Variants in RIPOR1 observed in about 807,000 individuals in gnomAD.
The protein encoded by RIPOR1 is RHO family interacting cell polarization regulator 1, also known as rho family-interacting cell polarization regulator 1.
Under a neutral mutation model 116.5 loss-of-function variants are expected in RIPOR1, and 58 were observed. The ratio of observed to expected loss-of-function variants is 0.50; its 90% CI spans 0.40 to 0.62. The LOEUF is 0.62. RIPOR1 is among the 20% of genes least tolerant of loss of function. RIPOR1 has a pLI of 0.00. For missense variants in RIPOR1, 1,372 were observed against 1,586.2 expected (o/e 0.86, Z 2.29); for synonymous variants, 605 against 650.0 (o/e 0.93, Z 1.05).
rs1351591858 is a variant in RIPOR1 at position 67,538,835 on chromosome 16, C to CCT, written c.257+14_257+15dup. 6.2e-7 allele frequency: 1 copy of CCT among 1,612,428 alleles called. No homozygotes were observed. The highest frequency in any genetic ancestry group is 8.5e-7 in the Non-Finnish European group (1 of 1,179,766). On this transcript the variant is annotated intron_variant, in intron 3 of 21. Coordinates refer to ENST00000042381, the MANE Select transcript of RIPOR1 (RefSeq NM_024519.4). ...GAAGCGGGGCCTGACGTGAGCAGCT[C>CCT]CTCTGTTCCCAGCCCTGTCCCGGGA...
In RIPOR1 at chr16:67,545,199, G is replaced by C; in HGVS notation, c.3031+82G>C. ...CGGGGAAGCCAGGTCAGCCCACACA[G>C]ATAAACGAACTGGGCACCGAGGAGA... On this transcript the variant is annotated intron_variant, in intron 17 of 21. Transcript: ENST00000042381. The surrounding 1 kb of genome is among the most constrained non-coding windows in gnomAD (Gnocchi z 4.8). The C allele has an allele frequency of 3.2e-6, 5 of 1,573,144 alleles. No individual in the cohort carries two copies. The highest frequency in any genetic ancestry group is 4.3e-6 in the Non-Finnish European group (5 of 1,156,934).
At position 67,544,410 on chromosome 16, in the gene RIPOR1, C is replaced by T. The variant is rs746515090; in HGVS notation, c.2712C>T (p.Tyr904=). ...ALDAALVRHL[Y]HCSRLLLKLG... ...ATGCTGCCTTGGTCCGGCACCTGTA[C>T]CACTGCAGTCGCCTCCTGCTGGTGA... The change falls in exon 15 of 22, where the codon TAC becomes TAT. Residue 904 remains tyrosine, a synonymous_variant. Coordinates refer to ENST00000042381, the MANE Select transcript of RIPOR1 (RefSeq NM_024519.4). The surrounding 1 kb of genome is among the most constrained non-coding windows in gnomAD (Gnocchi z 5.1). 3.7e-6 allele frequency: 6 copies of T among 1,611,702 alleles called. No individual in the cohort carries two copies. The East Asian group carries it at 1.3e-4, about 36-fold the overall frequency.
Position 67,529,587 on chromosome 16 carries a change from C to A in RIPOR1, c.-24+673C>A. On this transcript the variant is annotated intron_variant, in intron 1 of 21. Transcript: ENST00000042381. This position sits in a 1 kb window ranked among gnomAD's most constrained non-coding sequence, Gnocchi z 4.1. The stretch of plus-strand genomic sequence containing the variant: ...TTGGGCAAGGGGCTGCTCACCAGGG[C>A]TAGAGGTCGGATTCAGTCCAGATTC... 1.7e-6 allele frequency: 1 copy of A among 600,570 alleles called. No individual in the cohort carries two copies. Among genetic ancestry groups the A allele is most frequent in the South Asian group, 2.0e-5 (1 of 48,864 alleles). The allele number at this position is 600,570 out of a possible 1,614,324, so 37.2% of individuals were successfully genotyped here. A position where few individuals can be genotyped will look rare whatever the true frequency, so the allele number is the denominator to read the frequency against.
chr16:67,539,985 A>G, intron 6 of RIPOR1, 68 bp from the exon 7 acceptor site: 1 of 1,613,614 alleles, frequency 6.2e-7, no homozygotes, highest in Non-Finnish European at 8.5e-7. Context: ...TGGGTGAGCA[A>G]CCTTAGAGGT....
chr16:67,538,540 C>T lies in RIPOR1; in HGVS notation c.94C>T (p.Arg32Trp). ...CGCAGGCGTCCTCGGCAGCCACGAG[C>T]GGGGGCCCAGGTACGCGGCCGCGCA... ...SFAGVLGSHE[R>W]GPRSFPVFSP... Residue 32 changes from arginine (R) to tryptophan (W), a missense_variant, in exon 2 of 22, where the codon CGG becomes TGG. Arg to Trp is a moderately radical substitution (Grantham distance 101, BLOSUM62 -3). This residue lies in a region of RIPOR1 where 165 missense variants were observed against 145.5 expected (regional missense o/e 1.13). Coordinates refer to ENST00000042381, the MANE Select transcript of RIPOR1 (RefSeq NM_024519.4). 1.2e-6 allele frequency: 2 copies of T among 1,612,062 alleles called. No homozygotes were observed. The highest frequency in any genetic ancestry group is 1.1e-5 in the South Asian group (1 of 90,990).
chr16:67,544,805 G>A lies in RIPOR1; in HGVS notation c.2844G>A (p.Glu948=), dbSNP rs773230380. Residue 948 remains glutamate (E), a synonymous_variant, in exon 16 of 22, where the codon GAG becomes GAA. Transcript: ENST00000042381. The surrounding 1 kb of genome is among the most constrained non-coding windows in gnomAD (Gnocchi z 5.1). ...TATGCGAGTTCAGCAGGCGGTGGGA[G>A]ATCCCGGCCAGCTCTGCCCAGGAAG... The part of the protein sequence containing the change: ...EAVCEFSRRW[E]IPASSAQEVV... The A allele has an allele frequency of 4.4e-5, 71 of 1,597,396 alleles. No individual in the cohort carries two copies. The East Asian group carries it at 1.5e-3, about 33-fold the overall frequency.
rs994026740 is a variant in RIPOR1, at chr16:67,540,441, C to T, written c.632-17C>T. On this transcript the variant is annotated splice_polypyrimidine_tract_variant and intron_variant, in intron 8 of 21. Transcript: ENST00000042381. The surrounding 1 kb of genome is among the most constrained non-coding windows in gnomAD (Gnocchi z 4.7). ...CCAATATGGCTCACCGACTTCTCCCCTTCTCCTCCAACTCAGGGCTGGCTG... is the reference window on the plus strand; with the variant it reads ...CCAATATGGCTCACCGACTTCTCCCTTTCTCCTCCAACTCAGGGCTGGCTG... 6.2e-7 allele frequency: 1 copy of T among 1,614,078 alleles called. No homozygotes were observed. The highest frequency in any genetic ancestry group is 1.3e-5 in the African/African-American group (1 of 74,920).
chr16:67,545,784 A>G lies in RIPOR1; in HGVS notation c.3311A>G (p.His1104Arg), dbSNP rs752580501. Residue 1104 changes from histidine to arginine, a missense_variant, in exon 19 of 22, where the codon CAT (histidine) becomes CGT (arginine). Physicochemically the swap from His to Arg is conservative, Grantham distance 29. Transcript: ENST00000042381. The surrounding 1 kb of genome is among the most constrained non-coding windows in gnomAD (Gnocchi z 4.8). ...GLRALSSLLV[H>R]GNNKVMAAVS... ...CGGGCCCTCAGCTCCCTGCTCGTCC[A>G]TGGCAACAACAAGGTCATGGCTGCT... 65 of 1,612,904 alleles carry G rather than the reference A, an allele frequency of 4.0e-5. No individual in the cohort carries two copies. The highest frequency in any genetic ancestry group is 1.6e-4 in the Middle Eastern group (1 of 6,076).
rs1364518480 is a variant in RIPOR1 at position 67,542,236 on chromosome 16, G to A, written c.1450G>A (p.Ala484Thr). 6.2e-7 allele frequency: 1 copy of A among 1,613,524 alleles called. No individual in the cohort carries two copies. Among genetic ancestry groups the A allele is most frequent in the East Asian group, 2.2e-5 (1 of 44,856 alleles). ...GGGACCTAGCCCACCTACACACCCA[G>A]CTCCCACCCATGGAGAGCACCCCAG... Reference protein sequence around the residue: ...AWGPSPPTHPAPTHGEHPSPV... With the variant: ...AWGPSPPTHPTPTHGEHPSPV... Residue 484 changes from alanine to threonine, a missense_variant, in exon 13 of 22, where the codon GCT (alanine) becomes ACT (threonine). Coordinates refer to ENST00000042381, the MANE Select transcript of RIPOR1 (RefSeq NM_024519.4). The surrounding 1 kb of genome is among the most constrained non-coding windows in gnomAD (Gnocchi z 4.6).
chr16:67,520,423 G>GAGAGAAGAGA (rs550076256), intron 1 of RIPOR1, among the ~76,000 whole-genome samples: 3,270 of 142,606 alleles, frequency 0.023, 173 homozygotes, highest in African/African-American at 0.081. Flanking sequence ...GGATGGAAAA[G>GAGAGAAGAGA]AGAGAAGAGA....
rs924455617 is a variant in RIPOR1, at chr16:67,530,825, G to A, written c.-24+1911G>A. 1.3e-5 allele frequency among the ~76,000 whole-genome samples: 2 copies of A among 152,160 alleles called. No individual in the cohort carries two copies. Among genetic ancestry groups the A allele is most frequent in the Non-Finnish European group, 2.9e-5 (2 of 68,010 alleles). On this transcript the variant is annotated intron_variant, in intron 1 of 21. Coordinates refer to ENST00000042381, the MANE Select transcript of RIPOR1 (RefSeq NM_024519.4). This position sits in a 1 kb window ranked among gnomAD's most constrained non-coding sequence, Gnocchi z 4.5. ...CATCCTGGGAACAGACTATAGGGCT[G>A]ACATGAGCCCAGAGAGTCCCCTGGT...
chr16:67,536,484 C>T (rs1329611419), intron 1 of RIPOR1, among the ~76,000 whole-genome samples: 1 of 152,020 alleles, frequency 6.6e-6, no homozygotes, highest in African/African-American at 2.4e-5. Context: ...AACGCAGAAC[C>T]TGAGAGGCCC....
chr16:67,535,041 C>A (rs1423049370), intron 1 of RIPOR1, among the ~76,000 whole-genome samples: 1 of 151,914 alleles, frequency 6.6e-6, no homozygotes, highest in Admixed American at 6.6e-5. Context: ...TGGGGTTTCA[C>A]CATGTTGGCC....
Position 67,546,517 on chromosome 16 carries a change from C to A in RIPOR1, c.*54C>A. 2 of 1,443,850 alleles carry A rather than the reference C, an allele frequency of 1.4e-6. No individual in the cohort carries two copies. The highest frequency in any genetic ancestry group is 9.7e-7 in the Non-Finnish European group (1 of 1,029,990). The allele number at this position is 1,443,850 out of a possible 1,614,324, so 89.4% of individuals were successfully genotyped here. A position where few individuals can be genotyped will look rare whatever the true frequency, so the allele number is the denominator to read the frequency against. On this transcript the variant is annotated 3_prime_UTR_variant, in exon 22 of 22. Coordinates refer to ENST00000042381, the MANE Select transcript of RIPOR1 (RefSeq NM_024519.4). ...CTTTCCCCCCACTTTCAGGGCTCAC[C>A]AGGCACTGGCAGGGAGGGTAAGGGC...
rs1310317236 is a variant in RIPOR1, at chr16:67,541,043, T to C, written c.801+339T>C. On this transcript the variant is annotated intron_variant, in intron 10 of 21. Coordinates refer to ENST00000042381, the MANE Select transcript of RIPOR1 (RefSeq NM_024519.4). The surrounding 1 kb of genome is among the most constrained non-coding windows in gnomAD (Gnocchi z 4.6). ...GCTCCCAGGCTGCTTCAAGCATCCA[T>C]GGCTCCATGAGCATGCATGTGTCTG... 6.6e-6 allele frequency among the ~76,000 whole-genome samples: 1 copy of C among 151,970 alleles called. No homozygotes were observed.
At chr16:67,527,853 CAAAA>C (rs796470899), upstream of RIPOR1, among the ~76,000 whole-genome samples, 2 of 67,638 alleles carry the variant, frequency 3.0e-5, no homozygotes. Context: ...CACTCTGTCT[CAAAA>C]AAAAAAAAAA....
chr16:67,540,240 G>C lies in RIPOR1; in HGVS notation c.567+35G>C. ...GGGGGCCCATGAGGCAGAGGCACAG[G>C]GTGTGGCAGGGCTAGTGGCTGGCCC... On this transcript the variant is annotated intron_variant, in intron 7 of 21. Transcript: ENST00000042381. The surrounding 1 kb of genome is among the most constrained non-coding windows in gnomAD (Gnocchi z 4.7). The C allele has an allele frequency of 6.2e-7, 1 of 1,613,802 alleles. No homozygotes were observed. Among genetic ancestry groups the C allele is most frequent in the Non-Finnish European group, 8.5e-7 (1 of 1,179,836 alleles).
At chr16:67,520,237 C>T (rs771155727) in intron 1 of RIPOR1, among the ~76,000 whole-genome samples, 2 of 151,154 alleles carry the variant, frequency 1.3e-5, no homozygotes, top group African/African-American at 2.4e-5. Context: ...AAAATTTAGC[C>T]GGGCATGGTT....
chr16:67,538,188 C>T (rs2050855653), intron 1 of RIPOR1: 2 of 414,952 alleles, frequency 4.8e-6, no homozygotes, highest in African/African-American at 2.1e-5. Context: ...AGGCGGAGCC[C>T]GCACCTCGGC....
Sources: allele counts gnomAD v4.1 joint callset (sites outside exome capture counted in the v4.1 genomes callset), GRCh38; gene constraint gnomAD v4.1.1; regional missense constraint gnomAD v4.1.1; non-coding constraint Gnocchi (gnomAD v3.1); transcripts MANE v1.5; gene names NCBI Gene and HGNC (gene_info 2026-07-23, HGNC 2026-07-21).